Variants in HS6ST3 observed in about 807,000 individuals in gnomAD.
The protein encoded by HS6ST3 is heparan sulfate 6-O-sulfotransferase 3.
In HS6ST3, 12 loss-of-function variants were observed where a neutral mutation model predicts 36.7. The ratio of observed to expected loss-of-function variants is 0.33; its 90% CI spans 0.21 to 0.53. The LOEUF (loss-of-function observed/expected upper bound fraction) is 0.53, where lower values mean the gene tolerates loss of function less well. Among genes scored for constraint, HS6ST3 ranks in the 20% least tolerant of loss-of-function variants. HS6ST3 has a pLI of 0.95. For missense variants in HS6ST3, 584 were observed against 640.9 expected (o/e 0.91, Z 0.96); for synonymous variants, 240 against 257.5 (o/e 0.93, Z 0.65).
At chr13:96,540,204 C>G (rs1231054215) in intron 1 of HS6ST3, among the ~76,000 whole-genome samples, 1 of 152,238 alleles carries the variant, frequency 6.6e-6, no homozygotes, top group African/African-American at 2.4e-5. Context: ...ACCCACCTAA[C>G]TCTTTGGCAA....
chr13:96,531,249 G>A (rs2056134364), intron 1 of HS6ST3, among the ~76,000 whole-genome samples: 1 of 152,158 alleles, frequency 6.6e-6, no homozygotes, highest in African/African-American at 2.4e-5. Flanking sequence ...GCCAGGCTCT[G>A]AGAGATCCAA....
At chr13:96,363,660 T>G (rs2055250171) in intron 1 of HS6ST3, among the ~76,000 whole-genome samples, 1 of 152,052 alleles carries the variant, frequency 6.6e-6, no homozygotes, top group South Asian at 2.1e-4. Flanking sequence ...TTTTAGACCA[T>G]CACCACAAAA....
chr13:96,532,434 G>A (rs1428793103), intron 1 of HS6ST3, among the ~76,000 whole-genome samples: 1 of 152,208 alleles, frequency 6.6e-6, no homozygotes, highest in South Asian at 2.1e-4. Context: ...AAACACTTGA[G>A]GTCTGGGGGT....
At chr13:96,785,428 T>G (rs187916490) in intron 1 of HS6ST3, among the ~76,000 whole-genome samples, 3 of 152,280 alleles carry the variant, frequency 2.0e-5, no homozygotes, top group Admixed American at 2.0e-4. Context: ...GCTACAAAAC[T>G]GAACTATGTG....
intron 1 of HS6ST3, among the ~76,000 whole-genome samples, chr13:96,542,136 A>G (rs1316110418): frequency 6.6e-6 from 1 of 152,252 alleles, no homozygotes; most frequent in Admixed American, 6.5e-5. Flanking sequence ...ATGTTTTAAC[A>G]ATTACATAAG....
Position 96,613,667 on chromosome 13 carries a change from C to A in HS6ST3, c.708-218823C>A, listed in dbSNP as rs748191315. ...AATATCATTTAAGTTTTTTTAAGTT[C>A]TCTGCATTTTAAAATCTGTCTACAT... On this transcript the variant is annotated intron_variant, in intron 1 of 1. Transcript: ENST00000376705. 1.1e-4 allele frequency among the ~76,000 whole-genome samples: 16 copies of A among 152,142 alleles called. No individual in the cohort carries two copies. In the South Asian group the frequency reaches 3.3e-3, roughly 32 times the overall value.
chr13:96,339,103 C>T (rs2055117219), intron 1 of HS6ST3, among the ~76,000 whole-genome samples: 1 of 152,096 alleles, frequency 6.6e-6, no homozygotes, highest in Non-Finnish European at 1.5e-5. Flanking sequence ...TGTGCAGCTC[C>T]TCCATGAAGC....
intron 1 of HS6ST3, among the ~76,000 whole-genome samples, chr13:96,645,849 T>C (rs959528862): frequency 6.6e-6 from 1 of 151,918 alleles, no homozygotes; most frequent in Non-Finnish European, 1.5e-5. Flanking sequence ...GGGTTTGTTG[T>C]ACTGAAAATA....
intron 1 of HS6ST3, among the ~76,000 whole-genome samples, chr13:96,335,315 C>G (rs1272275480): frequency 6.6e-6 from 1 of 152,112 alleles, no homozygotes; most frequent in Non-Finnish European, 1.5e-5. Flanking sequence ...TGCTTTTGAC[C>G]AAGGTAGGCA....
intron 1 of HS6ST3, among the ~76,000 whole-genome samples, chr13:96,475,501 C>T (rs118043319): frequency 4.0e-5 from 6 of 151,660 alleles, no homozygotes; most frequent in East Asian, 3.9e-4. Context: ...TCCCTGGAAA[C>T]GTCTGCATGT....
chr13:96,816,846 G>A (rs771819790), intron 1 of HS6ST3, among the ~76,000 whole-genome samples: 1 of 152,188 alleles, frequency 6.6e-6, no homozygotes, highest in East Asian at 1.9e-4. Context: ...CTGATATAAT[G>A]TTTTTGGGGC....
Position 96,097,923 on chromosome 13 carries a change from A to G in HS6ST3, c.707+6354A>G, listed in dbSNP as rs138624384. Among the ~76,000 whole-genome samples the G allele has an allele frequency of 3.3e-5, 5 of 152,346 alleles. No homozygotes were observed. In the East Asian group the frequency reaches 9.6e-4, roughly 29 times the overall value. On this transcript the variant is annotated intron_variant, in intron 1 of 1. Transcript: ENST00000376705. ...TAACTTGACAAGATTGTGTTATTTA[A>G]AAGATAGAATTATCAAAATTCCAAA...
chr13:96,262,226 T>C (rs1292813091), intron 1 of HS6ST3, among the ~76,000 whole-genome samples: 2 of 152,170 alleles, frequency 1.3e-5, no homozygotes, highest in Non-Finnish European at 2.9e-5. Context: ...GAAAAAGTTA[T>C]TAGCAGGTGG....
intron 1 of HS6ST3, among the ~76,000 whole-genome samples, chr13:96,285,451 G>A (rs2054797003): frequency 6.6e-6 from 1 of 152,160 alleles, no homozygotes; most frequent in African/African-American, 2.4e-5. Flanking sequence ...TTGAGAGGAT[G>A]GAAAATATGG....
chr13:96,658,471 T>C (rs1594829522), intron 1 of HS6ST3, among the ~76,000 whole-genome samples: 1 of 150,572 alleles, frequency 6.6e-6, no homozygotes, highest in African/African-American at 2.4e-5. Context: ...TTAGTAGAGA[T>C]GGGGTTTCAC....
chr13:96,346,217 C>G (rs1236899716), intron 1 of HS6ST3, among the ~76,000 whole-genome samples: 2 of 152,120 alleles, frequency 1.3e-5, no homozygotes, highest in African/African-American at 4.8e-5. Context: ...TATCTGATTA[C>G]TTATCTATGT....
At chr13:96,503,018 C>T (rs1359281072) in intron 1 of HS6ST3, among the ~76,000 whole-genome samples, 1 of 152,170 alleles carries the variant, frequency 6.6e-6, no homozygotes, top group African/African-American at 2.4e-5. Context: ...AAATCATACA[C>T]AGCAGATTCA....
chr13:96,275,487 T>C (rs2054743702), intron 1 of HS6ST3, among the ~76,000 whole-genome samples: 1 of 152,286 alleles, frequency 6.6e-6, no homozygotes, highest in South Asian at 2.1e-4. Flanking sequence ...TTCATTCTCA[T>C]TTTCAGAGAA....
intron 1 of HS6ST3, among the ~76,000 whole-genome samples, chr13:96,764,785 T>G (rs931981795): frequency 6.6e-6 from 1 of 152,198 alleles, no homozygotes; most frequent in Non-Finnish European, 1.5e-5. Flanking sequence ...AAGAATTTAA[T>G]TCCACAGGGG....
Sources: allele counts gnomAD v4.1 joint callset (sites outside exome capture counted in the v4.1 genomes callset), GRCh38; gene constraint gnomAD v4.1.1; transcripts MANE v1.5; gene names NCBI Gene and HGNC (gene_info 2026-07-23, HGNC 2026-07-21).